The following CAMK2A variants were observed in gnomAD, a reference collection of about 807,000 sequenced individuals.
The protein encoded by CAMK2A is calcium/calmodulin dependent protein kinase II alpha.
Under a neutral mutation model 79.2 loss-of-function variants are expected in CAMK2A, and 7 were observed. That is an observed-to-expected ratio of 0.09 (90% CI 0.05 to 0.17). CAMK2A has a LOEUF of 0.17. CAMK2A is among the 10% of genes least tolerant of loss of function. The pLI, the probability that CAMK2A is intolerant of heterozygous loss-of-function variation, is 1.00. For synonymous variants in CAMK2A, 242 were observed against 251.7 expected, an observed-to-expected ratio of 0.96 and a Z score of 0.36; for missense variants, 214 against 646.4, an observed-to-expected ratio of 0.33 and a Z score of 7.25.
chr5:150,279,193 A>G (rs1757105694), intron 1 of CAMK2A, among the ~76,000 whole-genome samples: 1 of 152,104 alleles, frequency 6.6e-6, no homozygotes, highest in Non-Finnish European at 1.5e-5. Context: ...CACAGATGCT[A>G]CAGAGCACTT....
chr5:150,265,071 T>C, intron 2 of CAMK2A, 56 bp from the exon 3 acceptor site: 1 of 1,291,088 alleles, frequency 7.7e-7, no homozygotes, highest in Non-Finnish European at 1.1e-6. Context: ...TTACCCTCCA[T>C]CTCCCCCTTC....
Position 150,239,750 on chromosome 5 carries a change from GAGA to G in CAMK2A, c.985-17_985-15del, listed in dbSNP as rs1220912168. 1 of 1,612,574 alleles carries G rather than the reference GAGA, an allele frequency of 6.2e-7. No individual in the cohort carries two copies. The highest frequency in any genetic ancestry group is 1.7e-5 in the Admixed American group (1 of 60,016). On this transcript the variant is annotated splice_polypyrimidine_tract_variant and intron_variant, in intron 13 of 18. Transcript: ENST00000671881. ...GGACTTTCTTTTCTGGAAAAACAAG[GAGA>G]AGAGATGGGACAGGAAAAGACACAG...
At chr5:150,258,764 T>C (rs895698008) in intron 3 of CAMK2A, among the ~76,000 whole-genome samples, 3 of 152,166 alleles carry the variant, frequency 2.0e-5, no homozygotes, top group African/African-American at 7.2e-5. Flanking sequence ...CCTGAATTGT[T>C]TATGGCTGTC....
intron 9 of CAMK2A, 145 bp from the exon 10 acceptor site, chr5:150,250,955 A>C: frequency 4.6e-6 from 4 of 871,800 alleles, no homozygotes; most frequent in Non-Finnish European, 7.1e-6. Context: ...GGGGCTCCTC[A>C]CTGCAGGGGA....
intron 15 of CAMK2A, among the ~76,000 whole-genome samples, chr5:150,234,548 T>C (rs1026788531): frequency 1.3e-5 from 2 of 152,240 alleles, no homozygotes; most frequent in African/African-American, 2.4e-5. Flanking sequence ...AGAGAGCCAG[T>C]TGCTGTTCCG....
chr5:150,283,391 T>C (rs1562206490), intron 1 of CAMK2A, among the ~76,000 whole-genome samples: 1 of 152,190 alleles, frequency 6.6e-6, no homozygotes, highest in Non-Finnish European at 1.5e-5. Context: ...TTTTTTAAGA[T>C]AGAGACAAGG....
chr5:150,239,758 A>G, intron 13 of CAMK2A, 22 bp from the exon 14 acceptor site: 2 of 1,610,146 alleles, frequency 1.2e-6, no homozygotes, highest in Non-Finnish European at 1.7e-6. Context: ...AGGAGAAGAG[A>G]TGGGACAGGA....
intron 18 of CAMK2A, 122 bp downstream of exon 18, chr5:150,222,867 C>G (rs1754387621): frequency 7.3e-7 from 1 of 1,366,866 alleles, no homozygotes; most frequent in Admixed American, 1.7e-5. Flanking sequence ...TTCTTGGGGT[C>G]TCCCCACCCC....
intron 1 of CAMK2A, among the ~76,000 whole-genome samples, chr5:150,279,441 C>T (rs906152787): frequency 1.3e-5 from 2 of 152,136 alleles, no homozygotes; most frequent in African/African-American, 4.8e-5. Context: ...ATAGTACCAA[C>T]CCTATGCAGT....
rs902780489 is a variant in CAMK2A, at chr5:150,256,164, T to C, written c.411+409A>G. Among the ~76,000 whole-genome samples, 7 of 152,252 alleles carry C rather than the reference T, an allele frequency of 4.6e-5. No homozygotes were observed. Among genetic ancestry groups the C allele is most frequent in the Non-Finnish European group, 1.0e-4 (7 of 68,006 alleles). ...CTCATTTCATATCCTCACCAACCCTTTGCAGAGGTTGCTATGGCAACCCCC... is the reference window on the plus strand; with the variant it reads ...CTCATTTCATATCCTCACCAACCCTCTGCAGAGGTTGCTATGGCAACCCCC... On this transcript the variant is annotated intron_variant, in intron 6 of 18. Transcript: ENST00000671881. This position sits in a 1 kb window ranked among gnomAD's most constrained non-coding sequence, Gnocchi z 4.6.
At chr5:150,278,378 T>TAA (rs112222078) in intron 1 of CAMK2A, among the ~76,000 whole-genome samples, 13 of 133,096 alleles carry the variant, frequency 9.8e-5, no homozygotes, top group African/African-American at 2.5e-4. Flanking sequence ...ATCTTCTGTT[T>TAA]AAAAAAAAAA....
rs559591985 is a variant in CAMK2A, at chr5:150,263,399, C to T, written c.217+1557G>A. ...GCACTCACACAGACATTCACACACACACACTTACACAGACTCACATACGCA... is the reference window on the plus strand; with the variant it reads ...GCACTCACACAGACATTCACACACATACACTTACACAGACTCACATACGCA... On this transcript the variant is annotated intron_variant, in intron 3 of 18. Coordinates refer to ENST00000671881, the MANE Select transcript of CAMK2A (RefSeq NM_015981.4). Among the ~76,000 whole-genome samples, 5 of 151,290 alleles carry T rather than the reference C, an allele frequency of 3.3e-5. No homozygotes were observed. In the East Asian group the frequency reaches 9.7e-4, roughly 29 times the overall value.
chr5:150,225,785 C>T (rs1003015451), intron 17 of CAMK2A, among the ~76,000 whole-genome samples: 31 of 152,134 alleles, frequency 2.0e-4, no homozygotes, highest in East Asian at 1.9e-4. Flanking sequence ...TGCTCTGTTG[C>T]CCAGGCTGGA....
Position 150,219,857 on chromosome 5 carries a change from T to TA in CAMK2A, c.*2852_*2853insT, listed in dbSNP as rs1235774058. 9.2e-6 allele frequency: 1 copy of TA among 109,142 alleles called. No homozygotes were observed. The highest frequency in any genetic ancestry group is 2.1e-5 in the Non-Finnish European group (1 of 47,964). 6.8% of individuals were successfully genotyped at this position (109,142 alleles called of 1,614,324 possible). A position where few individuals can be genotyped will look rare whatever the true frequency, so the allele number is the denominator to read the frequency against. On this transcript the variant is annotated 3_prime_UTR_variant, in exon 19 of 19. Coordinates refer to ENST00000671881, the MANE Select transcript of CAMK2A (RefSeq NM_015981.4). ...CCAAGGTTTTGACTTGGGTTTGGATTTTTATTTATTTATTTATTATTATTA... is the reference window on the plus strand; with the variant it reads ...CCAAGGTTTTGACTTGGGTTTGGATTATTTATTTATTTATTTATTATTATTA...
intron 3 of CAMK2A, among the ~76,000 whole-genome samples, chr5:150,261,829 A>G (rs560376509): frequency 6.6e-6 from 1 of 152,308 alleles, no homozygotes; most frequent in Non-Finnish European, 1.5e-5. Context: ...TGCTAATACC[A>G]CTGGACTGCT....
At position 150,219,616 on chromosome 5, in the gene CAMK2A, G is replaced by A; in HGVS notation, c.*3094C>T. On this transcript the variant is annotated 3_prime_UTR_variant, in exon 19 of 19. Coordinates refer to ENST00000671881, the MANE Select transcript of CAMK2A (RefSeq NM_015981.4). ...TGAGCAGTGTTCATTCAAGTTCACAGCCACATATTTTTAAAAAAGAAAAGA... is the reference window on the plus strand; with the variant it reads ...TGAGCAGTGTTCATTCAAGTTCACAACCACATATTTTTAAAAAAGAAAAGA... The A allele has an allele frequency of 1.2e-5, 1 of 84,226 alleles. No individual in the cohort carries two copies. 5.2% of individuals were successfully genotyped at this position (84,226 alleles called of 1,614,324 possible). A position where few individuals can be genotyped will look rare whatever the true frequency, so the allele number is the denominator to read the frequency against.
At chr5:150,245,338 GCCTCCTCCTCCTCCT>G (rs34649296) in intron 12 of CAMK2A, 137 bp from the exon 13 acceptor site, 37 of 659,194 alleles carry the variant, frequency 5.6e-5, no homozygotes, top group Admixed American at 1.6e-4. Context: ...CCTGGGGGAG[GCCTCCTCCTCCTCCT>G]CCTCCTCCTC....
intron 15 of CAMK2A, among the ~76,000 whole-genome samples, chr5:150,233,332 A>G (rs1267589660): frequency 6.6e-6 from 1 of 152,204 alleles, no homozygotes; most frequent in Non-Finnish European, 1.5e-5. Flanking sequence ...AAAGCCCATC[A>G]CATTCTCCCA....
At position 150,275,299 on chromosome 5, in the gene CAMK2A, C is replaced by T. The variant is rs140281012; in HGVS notation, c.63-2140G>A. 2.4e-3 allele frequency among the ~76,000 whole-genome samples: 367 copies of T among 152,276 alleles called. 2 individuals are homozygous for T. The highest frequency in any genetic ancestry group is 3.7e-3 in the Admixed American group (57 of 15,298). On this transcript the variant is annotated intron_variant, in intron 1 of 18. Transcript: ENST00000671881. Reference sequence around the variant, plus strand: ...CTCCCCTGCTATGCAGCCCCTCTTCCGTGCTTCCAGAGCACCCCTGCTTAG... The same window carrying T: ...CTCCCCTGCTATGCAGCCCCTCTTCTGTGCTTCCAGAGCACCCCTGCTTAG...
Sources: allele counts gnomAD v4.1 joint callset (sites outside exome capture counted in the v4.1 genomes callset), GRCh38; gene constraint gnomAD v4.1.1; non-coding constraint Gnocchi (gnomAD v3.1); transcripts MANE v1.5; gene names NCBI Gene and HGNC (gene_info 2026-07-23, HGNC 2026-07-21).